Variants in KAZN observed in about 807,000 individuals in gnomAD.
The protein encoded by KAZN is kazrin.
Under a neutral mutation model 87.4 loss-of-function variants are expected in KAZN, and 40 were observed. The ratio of observed to expected loss-of-function variants is 0.46; its 90% CI spans 0.36 to 0.60. The LOEUF (loss-of-function observed/expected upper bound fraction) is 0.60. KAZN is among the 20% of genes least tolerant of loss of function. The pLI, the probability that KAZN is intolerant of heterozygous loss-of-function variation, is 0.00. For synonymous variants in KAZN, 466 were observed against 458.3 expected (o/e 1.02, Z -0.22); for missense variants, 898 against 1,073.9 (o/e 0.84, Z 2.29).
chr1:14,804,374 G>A (rs804135), intron 1 of KAZN, among the ~76,000 whole-genome samples: 36,903 of 152,076 alleles, frequency 0.24, 5,027 homozygotes, highest in Middle Eastern at 0.36. Context: ...GATGGGCTGG[G>A]TGGGGCTTAC....
chr1:14,353,090 A>C lies in KAZN; in HGVS notation c.249+172498A>C, dbSNP rs150138642. On this transcript the variant is annotated intron_variant, in intron 2 of 16. Coordinates refer to the KAZN transcript ENST00000636203. ...TGAAATATTGAGCACTCCTCTTCTT[A>C]AGTTGGAGACGAGTCAAGGGATGTT... 1.6e-3 allele frequency among the ~76,000 whole-genome samples: 250 copies of C among 152,300 alleles called. 2 individuals carry two copies. Among genetic ancestry groups the C allele is most frequent in the Non-Finnish European group, 2.9e-3 (196 of 68,028 alleles).
chr1:14,409,388 T>C (rs888712419), intron 2 of KAZN, among the ~76,000 whole-genome samples: 1 of 152,178 alleles, frequency 6.6e-6, no homozygotes. Flanking sequence ...GAAAGGTAGA[T>C]GGAGGAAAAC....
intron 2 of KAZN, among the ~76,000 whole-genome samples, chr1:14,557,081 G>T (rs887233335): frequency 2.6e-5 from 4 of 151,912 alleles, no homozygotes; most frequent in African/African-American, 7.2e-5. Context: ...GCAGGGGGAT[G>T]AAAAAAACGA....
intron 1 of KAZN, among the ~76,000 whole-genome samples, chr1:14,934,367 C>T (rs1208042571): frequency 2.0e-5 from 3 of 151,108 alleles, no homozygotes; most frequent in East Asian, 2.0e-4. Context: ...CCACCACGCC[C>T]GGCTAATTTT....
chr1:14,059,299 G>A (rs1032058211), intron 1 of KAZN, among the ~76,000 whole-genome samples: 1 of 152,234 alleles, frequency 6.6e-6, no homozygotes, highest in Non-Finnish European at 1.5e-5. Flanking sequence ...CAAGGAAGCT[G>A]ACAGTGCAGC....
chr1:14,202,605 T>G (rs955130722), intron 2 of KAZN, among the ~76,000 whole-genome samples: 1 of 152,110 alleles, frequency 6.6e-6, no homozygotes, highest in African/African-American at 2.4e-5. Context: ...TGGGGAGTGT[T>G]TGGGTCTACA....
chr1:14,770,011 G>A (rs992765881), intron 1 of KAZN, among the ~76,000 whole-genome samples: 1 of 152,140 alleles, frequency 6.6e-6, no homozygotes, highest in Non-Finnish European at 1.5e-5. Flanking sequence ...GTGGGAGCAG[G>A]ATGTGCAAAG....
At chr1:14,479,170 C>T (rs906266907) in intron 2 of KAZN, among the ~76,000 whole-genome samples, 1 of 152,138 alleles carries the variant, frequency 6.6e-6, no homozygotes, top group African/African-American at 2.4e-5. Flanking sequence ...GCCAAGTGGG[C>T]CCCTGTGGCA....
intron 2 of KAZN, among the ~76,000 whole-genome samples, chr1:14,189,215 G>A (rs1646374829): frequency 6.6e-6 from 1 of 152,150 alleles, no homozygotes; most frequent in Admixed American, 6.5e-5. Context: ...ACTTATTCCT[G>A]TGGGACTTGA....
At chr1:14,084,332 C>T (rs1643785842) in intron 1 of KAZN, among the ~76,000 whole-genome samples, 1 of 152,118 alleles carries the variant, frequency 6.6e-6, no homozygotes, top group South Asian at 2.1e-4. Flanking sequence ...AGCATGAGTG[C>T]AGTTTGGACA....
chr1:14,586,789 CT>C (rs1675879383), intron 2 of KAZN, among the ~76,000 whole-genome samples: 1 of 152,096 alleles, frequency 6.6e-6, no homozygotes, highest in African/African-American at 2.4e-5. Context: ...ATCCTCGTAC[CT>C]TGGCCTCTCA....
intron 1 of KAZN, among the ~76,000 whole-genome samples, chr1:14,758,384 G>A (rs1290885305): frequency 6.6e-6 from 1 of 151,986 alleles, no homozygotes; most frequent in Non-Finnish European, 1.5e-5. Context: ...TGTTGCCCAG[G>A]CTGGTCTCAA....
intron 1 of KAZN, among the ~76,000 whole-genome samples, chr1:14,106,167 A>T (rs1644369994): frequency 6.6e-6 from 1 of 152,160 alleles, no homozygotes; most frequent in African/African-American, 2.4e-5. Context: ...GAAAATACCT[A>T]CACTCTCCAT....
intron 2 of KAZN, among the ~76,000 whole-genome samples, chr1:14,240,902 G>A (rs1648880912): frequency 6.6e-6 from 1 of 152,214 alleles, no homozygotes; most frequent in Non-Finnish European, 1.5e-5. Context: ...CATTTCCTGA[G>A]TTTAAATACC....
At chr1:14,003,222 A>G (rs116552759) in intron 1 of KAZN, among the ~76,000 whole-genome samples, 14,133 of 151,436 alleles carry the variant, frequency 0.093, 862 homozygotes, top group South Asian at 0.19. Flanking sequence ...GGGCAAGAGG[A>G]GGGAACTTAG....
chr1:14,542,833 A>G (rs576558148), intron 2 of KAZN, among the ~76,000 whole-genome samples: 7 of 152,326 alleles, frequency 4.6e-5, no homozygotes, highest in African/African-American at 1.7e-4. Flanking sequence ...GCAAAGTGAC[A>G]TGTTGCTTAA....
chr1:14,812,550 A>G (rs748281476), intron 1 of KAZN, among the ~76,000 whole-genome samples: 15 of 152,160 alleles, frequency 9.9e-5, no homozygotes, highest in Admixed American at 2.6e-4. Flanking sequence ...GTCTTGCTCT[A>G]TCATCCAGGC....
chr1:14,599,244 A>C lies in KAZN; in HGVS notation c.226+21A>C. The C allele has an allele frequency of 7.4e-7, 1 of 1,350,756 alleles. No individual in the cohort carries two copies. Among genetic ancestry groups the C allele is most frequent in the Non-Finnish European group, 9.5e-7 (1 of 1,055,602 alleles). 83.7% of individuals were successfully genotyped at this position (1,350,756 alleles called of 1,614,324 possible). On this transcript the variant is annotated intron_variant, in intron 1 of 14. Transcript: ENST00000376030. The surrounding 1 kb of genome is among the most constrained non-coding windows in gnomAD (Gnocchi z 4.4). ...GCAAGGTAGGATCGCCCCGGCGCCCAGGGCGGAGGAAGGCGAGCAGAGCAC... is the reference window on the plus strand; with the variant it reads ...GCAAGGTAGGATCGCCCCGGCGCCCCGGGCGGAGGAAGGCGAGCAGAGCAC...
At chr1:14,598,545 C>G (rs1676663407), upstream of KAZN, among the ~76,000 whole-genome samples, 1 of 152,056 alleles carries the variant, frequency 6.6e-6, no homozygotes, top group South Asian at 2.1e-4. The surrounding 1 kb of genome is among the most constrained non-coding windows in gnomAD (Gnocchi z 4.2). Flanking sequence ...TCCGCCGCCT[C>G]CGCCCCCCCG....
Sources: gnomAD v4.1 joint callset for allele counts (sites outside exome capture counted in the v4.1 genomes callset) on GRCh38, gnomAD v4.1.1 for gene constraint, Gnocchi (gnomAD v3.1) non-coding constraint, MANE v1.5 for transcripts, NCBI Gene and HGNC (gene_info 2026-07-23, HGNC 2026-07-21) for gene names.